Variants in AGMO observed in about 807,000 individuals in gnomAD.
The protein encoded by AGMO is glyceryl-ether monooxygenase.
In AGMO, 75 loss-of-function variants were observed where a neutral mutation model predicts 60.2. That is an observed-to-expected ratio of 1.25 (90% confidence interval 1.03 to 1.51). The LOEUF is 1.51. AGMO is among the 40% of genes most tolerant of loss of function. The pLI is 0.00. For missense variants in AGMO, 763 were observed against 525.5 expected (o/e 1.45, Z -4.42); for synonymous variants, 261 against 177.1 (o/e 1.47, Z -3.76).
intron 3 of AGMO, among the ~76,000 whole-genome samples, chr7:15,438,923 AT>A (rs1261730738): frequency 6.6e-6 from 1 of 152,216 alleles, no homozygotes; most frequent in Non-Finnish European, 1.5e-5. Flanking sequence ...ATATAGAGTG[AT>A]TTATCAGTCT....
At chr7:15,345,506 G>A (rs1052956256) in intron 12 of AGMO, among the ~76,000 whole-genome samples, 1 of 152,142 alleles carries the variant, frequency 6.6e-6, no homozygotes, top group East Asian at 1.9e-4. Flanking sequence ...TTTGGAGTGT[G>A]CTGTGCATAA....
At chr7:15,301,528 A>T (rs1784559367) in intron 12 of AGMO, among the ~76,000 whole-genome samples, 1 of 152,060 alleles carries the variant, frequency 6.6e-6, no homozygotes, top group African/African-American at 2.4e-5. Flanking sequence ...AACTAAAATT[A>T]TACAACTAGT....
intron 12 of AGMO, among the ~76,000 whole-genome samples, chr7:15,292,553 A>G (rs1478516789): frequency 6.6e-6 from 1 of 152,120 alleles, no homozygotes; most frequent in Non-Finnish European, 1.5e-5. Flanking sequence ...AATATTTTAA[A>G]CTTAAAGAAA....
intron 12 of AGMO, among the ~76,000 whole-genome samples, chr7:15,291,314 T>G (rs1234855493): frequency 6.6e-6 from 1 of 152,176 alleles, no homozygotes; most frequent in African/African-American, 2.4e-5. Flanking sequence ...CTTTTATCCA[T>G]TATATCCAAT....
At chr7:15,396,421 C>T (rs1784385741) in intron 5 of AGMO, 1 of 152,350 alleles carries the variant, frequency 6.6e-6, no homozygotes, top group Non-Finnish European at 1.5e-5. Flanking sequence ...GTTCAGTAAC[C>T]TTGCTGGCTT....
intron 3 of AGMO, among the ~76,000 whole-genome samples, chr7:15,433,991 A>G (rs977501014): frequency 6.6e-6 from 1 of 152,012 alleles, no homozygotes; most frequent in Admixed American, 6.6e-5. Flanking sequence ...AACAAAATCC[A>G]TCTTCTTTTA....
chr7:15,417,197 A>G (rs1780796518), intron 5 of AGMO, among the ~76,000 whole-genome samples: 1 of 152,206 alleles, frequency 6.6e-6, no homozygotes. Context: ...TGAAAAGCAT[A>G]AAGTGTAACA....
chr7:15,365,395 A>AAAAAAAAAAT, intron 12 of AGMO, 119 bp downstream of exon 12: 1 of 477,686 alleles, frequency 2.1e-6, no homozygotes, highest in Non-Finnish European at 3.6e-6. Context: ...AAAAAAAAAA[A>AAAAAAAAAAT]GATCAAGATT....
At chr7:15,125,796 A>C in the AGMO span, among the ~76,000 whole-genome samples, 2 of 152,128 alleles carry the variant, frequency 1.3e-5, no homozygotes, top group African/African-American at 4.8e-5. Context: ...TTAAATAGAC[A>C]TGGGTATGAA....
chr7:15,299,836 C>CAT (rs34747122), intron 12 of AGMO, among the ~76,000 whole-genome samples: 68,380 of 110,872 alleles, frequency 0.62, 18,979 homozygotes, highest in Middle Eastern at 0.7. Context: ...TACATACACA[C>CAT]ACACACACAC....
At chr7:15,513,108 T>C (rs1039960035) in intron 3 of AGMO, among the ~76,000 whole-genome samples, 4 of 152,218 alleles carry the variant, frequency 2.6e-5, no homozygotes, top group South Asian at 2.1e-4. Flanking sequence ...AAATCTGCAG[T>C]TGAGTTTCAT....
intron 8 of AGMO, among the ~76,000 whole-genome samples, chr7:15,390,169 G>A (rs1784079052): frequency 6.6e-6 from 1 of 151,934 alleles, no homozygotes; most frequent in African/African-American, 2.4e-5. Flanking sequence ...ACATGTCTAA[G>A]AGAAAACTGG....
At chr7:15,351,992 T>C (rs545786827) in intron 12 of AGMO, among the ~76,000 whole-genome samples, 7 of 152,338 alleles carry the variant, frequency 4.6e-5, no homozygotes, top group East Asian at 3.9e-4. Context: ...TGCAAATAAA[T>C]AGCTTGTTAA....
chr7:15,393,208 C>T (rs557408603), intron 6 of AGMO, among the ~76,000 whole-genome samples: 4 of 152,354 alleles, frequency 2.6e-5, no homozygotes, highest in African/African-American at 9.6e-5. Flanking sequence ...TCTGGGGAGT[C>T]CCCTTCTACT....
chr7:15,360,720 C>A (rs1782719230), intron 12 of AGMO, among the ~76,000 whole-genome samples: 1 of 151,558 alleles, frequency 6.6e-6, no homozygotes, highest in Non-Finnish European at 1.5e-5. Flanking sequence ...AAAAAAAAAT[C>A]CACATATACA....
chr7:15,447,132 A>G (rs1466085453), intron 3 of AGMO, among the ~76,000 whole-genome samples: 1 of 152,208 alleles, frequency 6.6e-6, no homozygotes, highest in Non-Finnish European at 1.5e-5. Flanking sequence ...TAGCAATGCT[A>G]AAAGAAATTG....
At chr7:15,137,811 G>C in the AGMO span, among the ~76,000 whole-genome samples, 2 of 152,214 alleles carry the variant, frequency 1.3e-5, no homozygotes, top group African/African-American at 4.8e-5. Flanking sequence ...ATGACTAAAA[G>C]TACATTTAAA....
At chr7:15,214,048 T>TAC (rs1781668085) in intron 12 of AGMO, among the ~76,000 whole-genome samples, 1 of 152,046 alleles carries the variant, frequency 6.6e-6, no homozygotes, top group South Asian at 2.1e-4. Flanking sequence ...ATTTAGTTTT[T>TAC]ACATGATCCA....
chr7:15,390,975 T>C, intron 6 of AGMO, 70 bp from the exon 7 acceptor site: 1 of 233,608 alleles, frequency 4.3e-6, no homozygotes, highest in Non-Finnish European at 6.5e-6. Flanking sequence ...TTCCATCTTG[T>C]TTTTTAGAAT....
Sources: allele counts gnomAD v4.1 joint callset (sites outside exome capture counted in the v4.1 genomes callset), GRCh38; gene constraint gnomAD v4.1.1; transcripts MANE v1.5; gene names NCBI Gene and HGNC (gene_info 2026-07-23, HGNC 2026-07-21).